Variants in NEK11 observed in about 807,000 individuals in gnomAD.
The protein encoded by NEK11 is serine/threonine-protein kinase Nek11.
A neutral mutation model predicts 80.7 loss-of-function variants in NEK11; 72 were observed. That is an observed-to-expected ratio of 0.89 (90% CI 0.74 to 1.08). The LOEUF (loss-of-function observed/expected upper bound fraction) is 1.08. Ranked by LOEUF, NEK11 falls within the 50% of genes least tolerant of loss-of-function variation. NEK11 has a pLI of 0.00. For synonymous variants in NEK11, 251 were observed against 260.7 expected (o/e 0.96, Z 0.36); for missense variants, 764 against 763.6 (o/e 1.00, Z -0.01).
At chr3:131,343,881 G>C (rs1349378986) in intron 17 of NEK11, among the ~76,000 whole-genome samples, 1 of 152,202 alleles carries the variant, frequency 6.6e-6, no homozygotes, top group Non-Finnish European at 1.5e-5. Flanking sequence ...TGTCATGGGA[G>C]GGGCTGCCAT....
intron 17 of NEK11, among the ~76,000 whole-genome samples, chr3:131,338,779 T>G (rs1164146987): frequency 6.6e-6 from 1 of 152,340 alleles, no homozygotes; most frequent in South Asian, 2.1e-4. Flanking sequence ...TCATATGACA[T>G]TCTGGAAAAG....
intron 10 of NEK11, among the ~76,000 whole-genome samples, chr3:131,158,620 C>A (rs1312659472): frequency 6.6e-6 from 1 of 152,202 alleles, no homozygotes. Flanking sequence ...AAGTGCTGCA[C>A]CCTGTGCTAA....
chr3:131,091,912 G>T (rs1186073063), intron 4 of NEK11, among the ~76,000 whole-genome samples: 2 of 152,302 alleles, frequency 1.3e-5, no homozygotes, highest in East Asian at 3.9e-4. Context: ...GCAAACCAGA[G>T]AAATCATTTG....
At chr3:131,058,395 C>T (rs1287676443) in intron 3 of NEK11, among the ~76,000 whole-genome samples, 1 of 152,080 alleles carries the variant, frequency 6.6e-6, no homozygotes, top group African/African-American at 2.4e-5. Flanking sequence ...TCCATATGAA[C>T]TTTAAAGTAG....
intron 16 of NEK11, among the ~76,000 whole-genome samples, chr3:131,245,776 CCA>C (rs2095592536): frequency 6.6e-6 from 1 of 151,500 alleles, no homozygotes; most frequent in Non-Finnish European, 1.5e-5. Context: ...TGTCTTTTGC[CCA>C]CTTTTTATTC....
chr3:131,185,791 C>G (rs182496112), intron 14 of NEK11, among the ~76,000 whole-genome samples: 1 of 152,276 alleles, frequency 6.6e-6, no homozygotes, highest in Admixed American at 6.5e-5. Flanking sequence ...GTAAGAATGA[C>G]TAAAATTTCT....
rs538871262 is a variant in NEK11, at chr3:131,034,677, G to A, written c.170+4799G>A. On this transcript the variant is annotated intron_variant, in intron 3 of 17. Transcript: ENST00000383366. ...GCTGGGATTACAGGCGTGAGCCACC[G>A]CGCCCGGCCACAATTTAAATATTAG... Among the ~76,000 whole-genome samples, 47 of 152,266 alleles carry A rather than the reference G, an allele frequency of 3.1e-4. 1 individual carries two copies. Among genetic ancestry groups the A allele is most frequent in the Admixed American group, 3.3e-4 (5 of 15,296 alleles).
chr3:131,036,489 T>C (rs1371752973), intron 3 of NEK11, among the ~76,000 whole-genome samples: 1 of 152,232 alleles, frequency 6.6e-6, no homozygotes, highest in Non-Finnish European at 1.5e-5. Flanking sequence ...AGATAAAAAC[T>C]CTACTTACAT....
At chr3:131,067,033 C>T (rs936144681) in intron 3 of NEK11, among the ~76,000 whole-genome samples, 5 of 152,002 alleles carry the variant, frequency 3.3e-5, no homozygotes, top group South Asian at 2.1e-4. Flanking sequence ...TCATGTATGG[C>T]GCTTACTATT....
At chr3:131,081,326 A>G in intron 4 of NEK11, among the ~76,000 whole-genome samples, 1 of 152,314 alleles carries the variant, frequency 6.6e-6, no homozygotes, top group East Asian at 1.9e-4. Flanking sequence ...AAATGGAAAT[A>G]TGGCTTTTTT....
At chr3:131,115,940 T>TTCTTTCTTTCTTTC (rs2081036187) in intron 5 of NEK11, among the ~76,000 whole-genome samples, 1 of 121,288 alleles carries the variant, frequency 8.2e-6, no homozygotes, top group African/African-American at 3.2e-5. Flanking sequence ...CTTTCTTTCT[T>TTCTTTCTTTCTTTC]TCTTTCTTTC....
intron 4 of NEK11, among the ~76,000 whole-genome samples, chr3:131,103,804 C>T (rs1363177989): frequency 2.0e-5 from 3 of 152,212 alleles, no homozygotes; most frequent in Non-Finnish European, 4.4e-5. Flanking sequence ...TCTTAGTGCT[C>T]TGAGAATGTG....
intron 14 of NEK11, among the ~76,000 whole-genome samples, chr3:131,211,898 T>TG (rs1309145601): frequency 6.6e-6 from 1 of 152,166 alleles, no homozygotes; most frequent in African/African-American, 2.4e-5. Flanking sequence ...TTTAGCTTCC[T>TG]GGGTTCGAAC....
intron 17 of NEK11, among the ~76,000 whole-genome samples, chr3:131,275,085 C>A (rs1192906122): frequency 1.3e-5 from 2 of 152,034 alleles, no homozygotes; most frequent in Non-Finnish European, 1.5e-5. Context: ...GCATAAATGT[C>A]TTCTTTTGAG....
At chr3:131,273,986 T>C (rs2096247564) in intron 17 of NEK11, among the ~76,000 whole-genome samples, 1 of 151,978 alleles carries the variant, frequency 6.6e-6, no homozygotes, top group Admixed American at 6.6e-5. Flanking sequence ...ACTTTAAGTT[T>C]TAGGGTACAT....
At chr3:131,305,699 C>T (rs2096716481) in intron 17 of NEK11, among the ~76,000 whole-genome samples, 1 of 152,180 alleles carries the variant, frequency 6.6e-6, no homozygotes, top group African/African-American at 2.4e-5. Context: ...ATCTTGGGGT[C>T]TCCTGCTGCT....
chr3:131,335,051 C>G (rs1247933783), intron 17 of NEK11, among the ~76,000 whole-genome samples: 8 of 152,326 alleles, frequency 5.3e-5, no homozygotes, highest in African/African-American at 1.9e-4. Flanking sequence ...CAAGGAGGAA[C>G]TGGTGCCATT....
At chr3:131,202,597 A>G (rs762779531) in intron 14 of NEK11, among the ~76,000 whole-genome samples, 2 of 152,206 alleles carry the variant, frequency 1.3e-5, no homozygotes, top group Non-Finnish European at 2.9e-5. Flanking sequence ...TAAACTAAAG[A>G]GCTTCTGCAC....
intron 16 of NEK11, among the ~76,000 whole-genome samples, chr3:131,243,743 C>T (rs1434981494): frequency 2.0e-5 from 3 of 152,080 alleles, no homozygotes; most frequent in Admixed American, 2.0e-4. Context: ...CCCTTGTGAT[C>T]AAATGGCAGC....
Sources: allele counts gnomAD v4.1 joint callset (sites outside exome capture counted in the v4.1 genomes callset), GRCh38; gene constraint gnomAD v4.1.1; transcripts MANE v1.5; gene names NCBI Gene and HGNC (gene_info 2026-07-23, HGNC 2026-07-21).